Variants in RORA observed in about 807,000 individuals in gnomAD.
The protein encoded by RORA is nuclear receptor ROR-alpha.
In RORA, 7 loss-of-function variants were observed where a neutral mutation model predicts 69.5. The ratio of observed to expected loss-of-function variants is 0.10; its 90% CI spans 0.06 to 0.19. The LOEUF (loss-of-function observed/expected upper bound fraction) is 0.19, where lower values mean the gene tolerates loss of function less well. Among genes scored for constraint, RORA ranks in the 10% least tolerant of loss-of-function variants. RORA has a pLI of 1.00. For synonymous variants in RORA, 261 were observed against 240.8 expected (o/e 1.08, Z -0.78); for missense variants, 457 against 663.0 (o/e 0.69, Z 3.41).
chr15:60,915,025 G>A (rs991839732), intron 1 of RORA, among the ~76,000 whole-genome samples: 1 of 152,166 alleles, frequency 6.6e-6, no homozygotes, highest in African/African-American at 2.4e-5. Flanking sequence ...AATGAGGAGG[G>A]GAGATCAGAG....
intron 1 of RORA, among the ~76,000 whole-genome samples, chr15:60,805,208 G>A (rs2072643426): frequency 6.6e-6 from 1 of 152,116 alleles, no homozygotes; most frequent in African/African-American, 2.4e-5. Flanking sequence ...GACACGCAAG[G>A]GAACACCTGC....
At chr15:60,990,685 A>G (rs1894347189) in intron 1 of RORA, among the ~76,000 whole-genome samples, 1 of 152,216 alleles carries the variant, frequency 6.6e-6, no homozygotes, top group Non-Finnish European at 1.5e-5. Flanking sequence ...TTCCTCACAC[A>G]CTGTGTATGC....
intron 2 of RORA, among the ~76,000 whole-genome samples, chr15:60,569,845 A>C (rs1174774170): frequency 6.6e-6 from 1 of 152,194 alleles, no homozygotes; most frequent in Non-Finnish European, 1.5e-5. Context: ...TCACAAATCA[A>C]TGGAAGCTAT....
At chr15:60,563,055 T>C (rs2067621814) in intron 2 of RORA, among the ~76,000 whole-genome samples, 1 of 152,198 alleles carries the variant, frequency 6.6e-6, no homozygotes, top group Admixed American at 6.5e-5. Flanking sequence ...TACTTAATCA[T>C]ATTTTCTGAA....
At chr15:60,744,929 T>A (rs2071626445) in intron 1 of RORA, among the ~76,000 whole-genome samples, 1 of 152,082 alleles carries the variant, frequency 6.6e-6, no homozygotes, top group South Asian at 2.1e-4. Flanking sequence ...CACCACTGAT[T>A]AAATGGAAAT....
rs201543813 is a variant in RORA, at chr15:60,511,325, G to C, written c.721C>G (p.Pro241Ala). The change falls in exon 5 of 11, where the codon CCA becomes GCA. Residue 241 changes from proline to alanine, a missense_variant. Physicochemically the swap from Pro to Ala is conservative, Grantham distance 27. Transcript: ENST00000335670. The surrounding 1 kb of genome is among the most constrained non-coding windows in gnomAD (Gnocchi z 6.4). ...QSGLDINGIK[P>A]EPICDYTPAS... ...GGTGTGTAGTCACATATTGGTTCTG[G>C]TTTGATTCCATTGATATCAAGACCT... 13 of 1,614,160 alleles carry C rather than the reference G, an allele frequency of 8.1e-6. No individual in the cohort carries two copies. The highest frequency in any genetic ancestry group is 1.1e-5 in the Non-Finnish European group (13 of 1,180,018).
intron 1 of RORA, among the ~76,000 whole-genome samples, chr15:61,185,123 A>T (rs2079728791): frequency 6.6e-6 from 1 of 152,144 alleles, no homozygotes; most frequent in South Asian, 2.1e-4. Flanking sequence ...AAATGAACCC[A>T]GACTGCAAAG....
intron 2 of RORA, among the ~76,000 whole-genome samples, chr15:60,569,015 A>G (rs1429196147): frequency 1.3e-5 from 2 of 151,758 alleles, no homozygotes; most frequent in Non-Finnish European, 2.9e-5. Context: ...AATACAATTT[A>G]CAAAAGGCCT....
At chr15:60,587,517 G>A (rs1056756720) in intron 2 of RORA, among the ~76,000 whole-genome samples, 3 of 152,114 alleles carry the variant, frequency 2.0e-5, no homozygotes, top group Admixed American at 6.5e-5. Context: ...AGGCTATAAC[G>A]CAACCTCTGT....
At chr15:60,941,451 T>C (rs1409272253) in intron 1 of RORA, among the ~76,000 whole-genome samples, 1 of 152,248 alleles carries the variant, frequency 6.6e-6, no homozygotes, top group Non-Finnish European at 1.5e-5. Context: ...CCAATGTCAT[T>C]GTTCTACAGA....
intron 1 of RORA, among the ~76,000 whole-genome samples, chr15:60,923,300 T>C (rs185262125): frequency 2.0e-5 from 3 of 152,342 alleles, no homozygotes; most frequent in Admixed American, 1.3e-4. Flanking sequence ...ATGCTTCTGC[T>C]TCCTCTAAGG....
chr15:61,215,023 C>T (rs1378513617), intron 1 of RORA, among the ~76,000 whole-genome samples: 2 of 143,258 alleles, frequency 1.4e-5, no homozygotes, highest in East Asian at 4.1e-4. Context: ...CGCCACCACG[C>T]CCAGCTAATT....
Position 60,798,246 on chromosome 15 carries a change from ACACACACAC to A in RORA, c.167-119569_167-119561del, listed in dbSNP as rs1328715860. Among the ~76,000 whole-genome samples, 3 of 147,858 alleles carry A rather than the reference ACACACACAC, an allele frequency of 2.0e-5. No individual in the cohort carries two copies. In the East Asian group the frequency reaches 5.8e-4, roughly 29 times the overall value. ...GACACACACACACACACACACACAC[ACACACACAC>A]ACACACACACACACCACCTGCAGTG... On this transcript the variant is annotated intron_variant, in intron 1 of 10. Transcript: ENST00000335670.
intron 1 of RORA, among the ~76,000 whole-genome samples, chr15:60,975,914 A>G (rs538797806): frequency 6.6e-6 from 1 of 152,264 alleles, no homozygotes; most frequent in East Asian, 1.9e-4. Context: ...AAGAGTTGGC[A>G]TTTGCATTTT....
chr15:60,781,123 T>C (rs981881661), intron 1 of RORA, among the ~76,000 whole-genome samples: 7 of 152,302 alleles, frequency 4.6e-5, no homozygotes, highest in Non-Finnish European at 1.0e-4. Flanking sequence ...TCCGCCTCCT[T>C]CTGCTTCTTA....
At chr15:61,072,572 A>G (rs2078382814) in intron 1 of RORA, among the ~76,000 whole-genome samples, 1 of 152,202 alleles carries the variant, frequency 6.6e-6, no homozygotes, top group African/African-American at 2.4e-5. Flanking sequence ...AGCAACAACA[A>G]AACTTTAAAA....
At chr15:60,742,358 TTTTC>T (rs1214698212) in intron 1 of RORA, among the ~76,000 whole-genome samples, 2 of 151,738 alleles carry the variant, frequency 1.3e-5, no homozygotes, top group African/African-American at 4.9e-5. Flanking sequence ...CAGAGTAAAC[TTTTC>T]TTTATCTGAG....
intron 1 of RORA, among the ~76,000 whole-genome samples, chr15:60,823,851 C>T (rs1358048898): frequency 1.3e-5 from 2 of 151,786 alleles, no homozygotes; most frequent in South Asian, 4.2e-4. Flanking sequence ...TGTGGCTTCG[C>T]CTAAAATCCT....
chr15:60,537,505 C>A lies in RORA; in HGVS notation c.197-5654G>T, dbSNP rs2066716529. Among the ~76,000 whole-genome samples, 1 of 152,194 alleles carries A rather than the reference C, an allele frequency of 6.6e-6. No homozygotes were observed. Among genetic ancestry groups the A allele is most frequent in the Non-Finnish European group, 1.5e-5 (1 of 68,032 alleles). On this transcript the variant is annotated intron_variant, in intron 2 of 10. Transcript: ENST00000335670. The surrounding 1 kb of genome is among the most constrained non-coding windows in gnomAD (Gnocchi z 4.9). ...AGCAACATGCTTTCTCTCCACTCTG[C>A]CATGGGAGGCCCCAGGACACCATAA...
Sources: allele counts gnomAD v4.1 joint callset (sites outside exome capture counted in the v4.1 genomes callset), GRCh38; gene constraint gnomAD v4.1.1; non-coding constraint Gnocchi (gnomAD v3.1); transcripts MANE v1.5; gene names NCBI Gene and HGNC (gene_info 2026-07-23, HGNC 2026-07-21).